Variants in GATA6 observed in about 807,000 individuals in gnomAD.
GATA6 encodes transcription factor GATA-6.
A neutral mutation model predicts 48.1 loss-of-function variants in GATA6; 11 were observed. The observed-to-expected ratio is 0.23, with a 90% confidence interval of 0.14 to 0.38. The LOEUF (loss-of-function observed/expected upper bound fraction) is 0.38. GATA6 is among the 10% of genes least tolerant of loss of function. The pLI, the probability that GATA6 is intolerant of heterozygous loss-of-function variation, is 1.00. For synonymous variants in GATA6, 419 were observed against 396.1 expected (o/e 1.06, Z -0.69); for missense variants, 795 against 850.3 (o/e 0.93, Z 0.81).
intron 2 of GATA6, among the ~76,000 whole-genome samples, chr18:22,173,280 TTA>T (rs1402614182): frequency 5.3e-5 from 8 of 152,220 alleles, no homozygotes; most frequent in Non-Finnish European, 7.3e-5. Flanking sequence ...TTATCTTACC[TTA>T]TATTTCACCT....
intron 4 of GATA6, among the ~76,000 whole-genome samples, 158 bp from the exon 5 acceptor site, chr18:22,182,599 C>T (rs985532807): frequency 3.9e-5 from 6 of 152,200 alleles, no homozygotes; most frequent in Non-Finnish European, 8.8e-5. Context: ...CTCAGGTGAT[C>T]TGCCTGCCTC....
intron 6 of GATA6, among the ~76,000 whole-genome samples, chr18:22,193,271 G>C (rs2033349516): frequency 6.6e-6 from 1 of 152,166 alleles, no homozygotes; most frequent in African/African-American, 2.4e-5. Context: ...GGTGGAGACA[G>C]AATTTGTGTG....
intron 3 of GATA6, among the ~76,000 whole-genome samples, chr18:22,178,250 C>A (rs890559117): frequency 2.6e-5 from 4 of 152,116 alleles, no homozygotes; most frequent in Non-Finnish European, 5.9e-5. Flanking sequence ...CAGGCGTGAG[C>A]CACCGCGCCC....
chr18:22,199,254 G>A (rs2033427535), intron 6 of GATA6, among the ~76,000 whole-genome samples: 1 of 152,150 alleles, frequency 6.6e-6, no homozygotes, highest in Non-Finnish European at 1.5e-5. Context: ...GAGAAATGCT[G>A]TTTTAAGGAT....
intron 6 of GATA6, among the ~76,000 whole-genome samples, chr18:22,193,928 G>C (rs554881945): frequency 2.0e-5 from 3 of 152,268 alleles, no homozygotes; most frequent in South Asian, 4.1e-4. Context: ...ATCAGAAGCT[G>C]TCTCTTGCCC....
At chr18:22,180,966 G>C (rs2033187649) in intron 3 of GATA6, among the ~76,000 whole-genome samples, 1 of 152,028 alleles carries the variant, frequency 6.6e-6, no homozygotes, top group South Asian at 2.1e-4. Flanking sequence ...GCAGGGAGGT[G>C]GGGCACTTTC....
At chr18:22,200,339 T>C (rs184508383) in intron 6 of GATA6, among the ~76,000 whole-genome samples, 1 of 152,348 alleles carries the variant, frequency 6.6e-6, no homozygotes, top group East Asian at 1.9e-4. Context: ...TTTTTACAAA[T>C]AGGATTTCTT....
intron 4 of GATA6, among the ~76,000 whole-genome samples, chr18:22,182,346 GTTC>G (rs2033208015): frequency 6.8e-6 from 1 of 147,374 alleles, no homozygotes; most frequent in Non-Finnish European, 1.5e-5. Flanking sequence ...TTTATGCCAA[GTTC>G]TTTTTTTTTT....
Position 22,177,236 on chromosome 18 carries a change from G to A in GATA6, c.1302+115G>A, listed in dbSNP as rs367855948. 486 of 959,438 alleles carry A rather than the reference G, an allele frequency of 5.1e-4. 5 individuals are homozygous for A. The South Asian group carries it at 6.8e-3, about 13-fold the overall frequency. 59.4% of individuals were successfully genotyped at this position (959,438 alleles called of 1,614,324 possible). A position where few individuals can be genotyped will look rare whatever the true frequency, so the allele number is the denominator to read the frequency against. On this transcript the variant is annotated intron_variant, in intron 3 of 6. Coordinates refer to ENST00000269216, the MANE Select transcript of GATA6 (RefSeq NM_005257.6). ...CGTCCCCCTCCCAGGGGACAGGTGC[G>A]GCCGCTGCGGTCCCACCCTAGCGGG...
chr18:22,198,202 G>A (rs1252384548), intron 6 of GATA6, among the ~76,000 whole-genome samples: 3 of 151,508 alleles, frequency 2.0e-5, no homozygotes, highest in East Asian at 1.9e-4. Context: ...CTTCCATCTC[G>A]GCTCCCCAAA....
At chr18:22,177,965 T>TG in intron 3 of GATA6, among the ~76,000 whole-genome samples, 2 of 136,966 alleles carry the variant, frequency 1.5e-5, no homozygotes, top group Non-Finnish European at 3.1e-5. Flanking sequence ...TTTTTTTTTT[T>TG]TTTTTTTTTT....
At chr18:22,183,149 A>C in intron 6 of GATA6, 106 bp downstream of exon 6, 1 of 862,266 alleles carries the variant, frequency 1.2e-6, no homozygotes, top group Non-Finnish European at 1.9e-6. Flanking sequence ...CCAACAGTTC[A>C]GTTTAGTTAG....
intron 6 of GATA6, among the ~76,000 whole-genome samples, chr18:22,193,050 G>A (rs573699653): frequency 6.6e-6 from 1 of 152,352 alleles, no homozygotes; most frequent in South Asian, 2.1e-4. Context: ...AGAGGGGTAT[G>A]GGTTGGGGCA....
rs73962496 is a variant in GATA6, at chr18:22,185,628, A to G, written c.1620+2585A>G. Among the ~76,000 whole-genome samples the G allele has an allele frequency of 0.045, 6,917 of 152,168 alleles. 533 individuals are homozygous for G. The highest frequency in any genetic ancestry group is 0.16 in the African/African-American group (6,528 of 41,486). On this transcript the variant is annotated intron_variant, in intron 6 of 6. Coordinates refer to ENST00000269216, the MANE Select transcript of GATA6 (RefSeq NM_005257.6). This position sits in a 1 kb window ranked among gnomAD's most constrained non-coding sequence, Gnocchi z 4.3. ...CTGGTGCCTGGGCTTGCAGGGTTTT[A>G]TTTCATGGATGTCTCCAAAAGCCTC...
At position 22,172,157 on chromosome 18, in the gene GATA6, C is replaced by T. The variant is rs1223162864; in HGVS notation, c.1013C>T (p.Ser338Leu). Residue 338 changes from serine (S) to leucine (L), a missense_variant, in exon 2 of 7, where the codon TCG becomes TTG. Transcript: ENST00000269216. This position sits in a 1 kb window ranked among gnomAD's most constrained non-coding sequence, Gnocchi z 5.2. Reference protein sequence around the residue: ...HHHHHHPSPYSPYVGAPLTPA... With the variant: ...HHHHHHPSPYLPYVGAPLTPA... ...CACCACCACCATCCGAGCCCCTACT[C>T]GCCCTACGTGGGGGCGCCACTGACG... is the stretch of plus-strand genomic sequence containing the variant. The T allele has an allele frequency of 3.3e-6, 5 of 1,526,842 alleles. No individual in the cohort carries two copies. The highest frequency in any genetic ancestry group is 2.8e-5 in the African/African-American group (2 of 72,566). 94.6% of individuals were successfully genotyped at this position (1,526,842 alleles called of 1,614,324 possible).
chr18:22,178,930 A>G (rs554727596), intron 3 of GATA6, among the ~76,000 whole-genome samples: 1 of 152,356 alleles, frequency 6.6e-6, no homozygotes, highest in Admixed American at 6.5e-5. Flanking sequence ...TTTCAAAGGT[A>G]ACATTTTCTA....
At chr18:22,196,472 A>G (rs1455974324) in intron 6 of GATA6, among the ~76,000 whole-genome samples, 1 of 152,198 alleles carries the variant, frequency 6.6e-6, no homozygotes, top group African/African-American at 2.4e-5. Flanking sequence ...CAGGTGTGGT[A>G]GCTCGTGCCT....
intron 6 of GATA6, among the ~76,000 whole-genome samples, chr18:22,198,230 C>T (rs923309782): frequency 6.6e-6 from 1 of 152,040 alleles, no homozygotes; most frequent in Admixed American, 6.6e-5. Context: ...GACTACATGC[C>T]CAGCTAACTT....
rs979255086 is a variant in GATA6 at position 22,185,250 on chromosome 18, C to A, written c.1620+2207C>A. The stretch of plus-strand genomic sequence containing the variant: ...CCAGGGACAGAGCAGATGGAGGTGG[C>A]TTGCTGGTCAATGCCCTTCAGAGGA... On this transcript the variant is annotated intron_variant, in intron 6 of 6. Transcript: ENST00000269216. The surrounding 1 kb of genome is among the most constrained non-coding windows in gnomAD (Gnocchi z 4.3). Among the ~76,000 whole-genome samples, 7 of 152,234 alleles carry A rather than the reference C, an allele frequency of 4.6e-5. No homozygotes were observed. Among genetic ancestry groups the A allele is most frequent in the African/African-American group, 1.7e-4 (7 of 41,456 alleles).
Sources: gnomAD v4.1 joint callset for allele counts (sites outside exome capture counted in the v4.1 genomes callset) on GRCh38, gnomAD v4.1.1 for gene constraint, Gnocchi (gnomAD v3.1) non-coding constraint, MANE v1.5 for transcripts, NCBI Gene and HGNC (gene_info 2026-07-23, HGNC 2026-07-21) for gene names.